Variants in KIZ observed in about 807,000 individuals in gnomAD.
KIZ encodes the protein kizuna centrosomal protein, also known as centrosomal protein kizuna.
KIZ carries 68 observed loss-of-function variants against 79.6 expected under a neutral mutation model. The observed-to-expected ratio is 0.85, with a 90% confidence interval of 0.70 to 1.05. The LOEUF is 1.05. Among genes scored for constraint, KIZ ranks in the 50% least tolerant of loss-of-function variants. KIZ has a pLI of 0.00. For synonymous variants in KIZ, 280 were observed against 281.8 expected, an observed-to-expected ratio of 0.99 and a Z score of 0.06; for missense variants, 797 against 800.4, an observed-to-expected ratio of 1.00 and a Z score of 0.05.
intron 4 of KIZ, among the ~76,000 whole-genome samples, chr20:21,155,415 C>CAAAAAAAGACAACTGAAAGAAACCAATCA (rs11483719): frequency 1.3e-5 from 2 of 151,900 alleles, no homozygotes; most frequent in Non-Finnish European, 2.9e-5. Context: ...AGAAACCAAT[C>CAAAAAAAGACAACTGAAAGAAACCAATCA]AAAAAAGACA....
chr20:21,129,858 T>G (rs552423227), intron 1 of KIZ, among the ~76,000 whole-genome samples: 10 of 152,320 alleles, frequency 6.6e-5, no homozygotes, highest in Admixed American at 3.9e-4. Context: ...CTATTAACAT[T>G]TTATTAGATT....
intron 11 of KIZ, among the ~76,000 whole-genome samples, chr20:21,242,184 G>T (rs908333483): frequency 6.6e-5 from 10 of 152,184 alleles, no homozygotes; most frequent in African/African-American, 1.9e-4. Context: ...TGCACAAGTG[G>T]ATGTGAAACA....
intron 11 of KIZ, among the ~76,000 whole-genome samples, chr20:21,238,836 G>C (rs1026253290): frequency 1.3e-5 from 2 of 152,218 alleles, no homozygotes; most frequent in Non-Finnish European, 2.9e-5. Flanking sequence ...TGGAAGGCCT[G>C]GCTGAGGCAG....
At chr20:21,192,665 GA>G (rs1362483407) in intron 6 of KIZ, among the ~76,000 whole-genome samples, 2 of 152,146 alleles carry the variant, frequency 1.3e-5, no homozygotes, top group Non-Finnish European at 2.9e-5. Context: ...AATTTGTTTT[GA>G]TATGCACAGC....
At chr20:21,236,637 C>G (rs1371685406) in intron 11 of KIZ, among the ~76,000 whole-genome samples, 1 of 152,094 alleles carries the variant, frequency 6.6e-6, no homozygotes, top group Non-Finnish European at 1.5e-5. Flanking sequence ...GGTGAGGCCT[C>G]AGAGTCACAA....
intron 7 of KIZ, among the ~76,000 whole-genome samples, chr20:21,209,567 A>G (rs1208885207): frequency 1.3e-5 from 1 of 74,136 alleles, no homozygotes; most frequent in Non-Finnish European, 2.7e-5. Context: ...TCATATGAAT[A>G]TCTTCTCATT....
intron 6 of KIZ, chr20:21,166,481 A>G (rs765307927): frequency 9.7e-5 from 152 of 1,571,862 alleles, no homozygotes; most frequent in South Asian, 3.1e-4. Flanking sequence ...CATCATCACA[A>G]TGAGAAACCG....
chr20:21,186,167 T>A (rs560635787), intron 6 of KIZ, among the ~76,000 whole-genome samples: 1 of 152,292 alleles, frequency 6.6e-6, no homozygotes, highest in East Asian at 1.9e-4. Flanking sequence ...ATGGAATATA[T>A]CAATACTTCA....
chr20:21,205,497 A>G lies in KIZ; in HGVS notation c.1359A>G (p.Gly453=). 5 of 1,470,114 alleles carry G rather than the reference A, an allele frequency of 3.4e-6. No individual in the cohort carries two copies. In the South Asian group the frequency reaches 4.8e-5, roughly 14 times the overall value. 91.1% of individuals were successfully genotyped at this position (1,470,114 alleles called of 1,614,324 possible). A position where few individuals can be genotyped will look rare whatever the true frequency, so the allele number is the denominator to read the frequency against. The change falls in exon 7 of 13, where the codon GGA becomes GGG. Residue 453 remains glycine, a synonymous_variant. Coordinates refer to ENST00000619189, the MANE Select transcript of KIZ (RefSeq NM_018474.6). The part of the protein sequence containing the change: ...SSTNAPTREP[G]QTPDSDVPRA... Reference sequence around the variant, plus strand: ...TCCTGTTTCTGTTTTATAGACCTGGACAAACACCAGACTCAGACGTACCGA... The same window carrying G: ...TCCTGTTTCTGTTTTATAGACCTGGGCAAACACCAGACTCAGACGTACCGA...
At position 21,214,688 on chromosome 20, in the gene KIZ, A is replaced by C; in HGVS notation, c.1600A>C (p.Thr534Pro). 1 of 1,608,256 alleles carries C rather than the reference A, an allele frequency of 6.2e-7. No homozygotes were observed. The highest frequency in any genetic ancestry group is 8.5e-7 in the Non-Finnish European group (1 of 1,174,962). ...TGCTGTATGGCTCAACAGTGTTCCT[A>C]CAAGGGAACAAGGTAACTATTGTTA... ...KPAVWLNSVP[T>P]REQEVSSGCG... is the part of the protein sequence containing the mutation. The change falls in exon 8 of 13, where the codon ACA becomes CCA. Residue 534 changes from threonine (T) to proline (P), a missense_variant. Thr to Pro is a conservative substitution (Grantham distance 38). Coordinates refer to ENST00000619189, the MANE Select transcript of KIZ (RefSeq NM_018474.6).
At chr20:21,126,354 G>A (rs983623574) in intron 1 of KIZ, 150 bp downstream of exon 1, 1 of 521,194 alleles carries the variant, frequency 1.9e-6, no homozygotes, top group Non-Finnish European at 3.3e-6. Flanking sequence ...GGGGCCTGGA[G>A]GACAGTGTTT....
At chr20:21,205,832 G>T (rs542101041) in intron 7 of KIZ, among the ~76,000 whole-genome samples, 1 of 151,620 alleles carries the variant, frequency 6.6e-6, no homozygotes, top group African/African-American at 2.4e-5. Flanking sequence ...GTGGTGGTGC[G>T]CACCTGTAGT....
At chr20:21,134,872 G>C (rs748429981) in intron 2 of KIZ, among the ~76,000 whole-genome samples, 1 of 151,828 alleles carries the variant, frequency 6.6e-6, no homozygotes, top group Non-Finnish European at 1.5e-5. Context: ...TCACCATTCT[G>C]GCCAGGCTGG....
intron 4 of KIZ, among the ~76,000 whole-genome samples, chr20:21,161,331 CA>C (rs2033642960): frequency 6.6e-6 from 1 of 152,002 alleles, no homozygotes; most frequent in Non-Finnish European, 1.5e-5. Context: ...TTTCTTTTTT[CA>C]AAAACATATT....
intron 6 of KIZ, among the ~76,000 whole-genome samples, chr20:21,169,087 T>A (rs2034086873): frequency 6.6e-6 from 1 of 151,978 alleles, no homozygotes; most frequent in South Asian, 2.1e-4. Context: ...ACAAATGGGA[T>A]CTAATTAAAC....
At chr20:21,185,078 CTGTG>C (rs1452313053) in intron 6 of KIZ, among the ~76,000 whole-genome samples, 1 of 146,946 alleles carries the variant, frequency 6.8e-6, no homozygotes, top group Non-Finnish European at 1.5e-5. Context: ...GTGTGTGTGT[CTGTG>C]TGTACGTGTG....
chr20:21,126,145 C>A lies in KIZ; in HGVS notation c.30C>A (p.Pro10=). The A allele has an allele frequency of 1.3e-6, 2 of 1,513,552 alleles. No homozygotes were observed. Among genetic ancestry groups the A allele is most frequent in the East Asian group, 5.6e-5 (2 of 35,872 alleles). 93.8% of individuals were successfully genotyped at this position (1,513,552 alleles called of 1,614,324 possible). The change falls in exon 1 of 13, where the codon CCC becomes CCA. Residue 10 remains proline, a synonymous_variant. Coordinates refer to ENST00000619189, the MANE Select transcript of KIZ (RefSeq NM_018474.6). MSRTLASAV[P]LSSPDYYERL... ...GCCGGACCCTCGCATCGGCCGTGCCCCTGTCGAGTCCCGACTACTACGAGA... is the reference window on the plus strand; with the variant it reads ...GCCGGACCCTCGCATCGGCCGTGCCACTGTCGAGTCCCGACTACTACGAGA...
intron 6 of KIZ, among the ~76,000 whole-genome samples, chr20:21,176,569 CAA>C (rs35016994): frequency 0.037 from 4,802 of 130,978 alleles, 183 homozygotes; most frequent in African/African-American, 0.11. Flanking sequence ...ACAAAAAAGG[CAA>C]AAAAAAAAAA....
intron 7 of KIZ, among the ~76,000 whole-genome samples, chr20:21,209,521 T>C (rs1193113822): frequency 8.7e-6 from 1 of 115,088 alleles, no homozygotes; most frequent in African/African-American, 3.6e-5. Context: ...CTGGACTGTT[T>C]TCTTGTTCTT....
Sources: allele counts gnomAD v4.1 joint callset (sites outside exome capture counted in the v4.1 genomes callset), GRCh38; gene constraint gnomAD v4.1.1; transcripts MANE v1.5; gene names NCBI Gene and HGNC (gene_info 2026-07-23, HGNC 2026-07-21).